Variants in TMEM65 observed in about 807,000 individuals in gnomAD.
TMEM65 encodes transmembrane protein 65.
In TMEM65, 22 loss-of-function variants were observed where a neutral mutation model predicts 25.4. The observed-to-expected ratio is 0.86, with a 90% CI of 0.62 to 1.23. The LOEUF is 1.23. TMEM65 is among the 50% of genes most tolerant of loss of function. TMEM65 has a pLI of 0.00. For synonymous variants in TMEM65, 132 were observed against 126.2 expected (o/e 1.05, Z -0.31); for missense variants, 262 against 308.2 (o/e 0.85, Z 1.12).
intron 2 of TMEM65, among the ~76,000 whole-genome samples, chr8:124,329,377 C>T (rs1402874303): frequency 6.6e-6 from 1 of 151,810 alleles, no homozygotes; most frequent in Non-Finnish European, 1.5e-5. Context: ...GAAGAGAAAG[C>T]TACTTAAGTA....
chr8:124,308,171 G>A lies in TMEM65; in HGVS notation c.*5789C>T, dbSNP rs1040374634. Reference sequence around the variant, plus strand: ...GTCAGGAAGTACCTTGCCAGTAAAGGACTGCCTTTTAAAGTTGTTTTGATA... The same window carrying A: ...GTCAGGAAGTACCTTGCCAGTAAAGAACTGCCTTTTAAAGTTGTTTTGATA... On this transcript the variant is annotated 3_prime_UTR_variant, in exon 7 of 7. Transcript: ENST00000297632. 22 of 152,186 alleles carry A rather than the reference G, an allele frequency of 1.4e-4. 1 individual carries two copies. The highest frequency in any genetic ancestry group is 5.1e-4 in the African/African-American group (21 of 41,430). 9.4% of individuals were successfully genotyped at this position (152,186 alleles called of 1,614,324 possible).
intron 2 of TMEM65, among the ~76,000 whole-genome samples, chr8:124,330,483 C>T (rs914136993): frequency 4.6e-5 from 7 of 151,940 alleles, no homozygotes; most frequent in African/African-American, 1.7e-4. Flanking sequence ...ATTAAGAAAA[C>T]TTCTATCATA....
intron 1 of TMEM65, among the ~76,000 whole-genome samples, chr8:124,358,199 A>G (rs548164558): frequency 6.6e-6 from 1 of 152,376 alleles, no homozygotes; most frequent in Non-Finnish European, 1.5e-5. Flanking sequence ...TCGCATCAGT[A>G]TATTAATCTA....
chr8:124,347,874 A>C (rs1158292866), intron 1 of TMEM65, among the ~76,000 whole-genome samples: 1 of 148,298 alleles, frequency 6.7e-6, no homozygotes, highest in Non-Finnish European at 1.5e-5. Flanking sequence ...TAAATACTAG[A>C]GGTACAATAA....
intron 3 of TMEM65, among the ~76,000 whole-genome samples, chr8:124,325,801 C>T (rs1241686652): frequency 6.6e-6 from 1 of 152,002 alleles, no homozygotes; most frequent in Admixed American, 6.6e-5. Flanking sequence ...TGATCCCCAT[C>T]AATCTGGACA....
rs992241632 is a variant in TMEM65, at chr8:124,311,346, G to C, written c.*2614C>G. ...AACAGAATATACCAAGGCCCTCTGA[G>C]ATTAGTAAGAAATCAAATTTCAAAA... On this transcript the variant is annotated 3_prime_UTR_variant, in exon 7 of 7. Transcript: ENST00000297632. 2 of 152,548 alleles carry C rather than the reference G, an allele frequency of 1.3e-5. No individual in the cohort carries two copies. The highest frequency in any genetic ancestry group is 2.9e-5 in the Non-Finnish European group (2 of 68,014). The allele number at this position is 152,548 out of a possible 1,614,324, so 9.4% of individuals were successfully genotyped here.
chr8:124,330,291 T>C (rs1332452017), intron 2 of TMEM65, among the ~76,000 whole-genome samples: 2 of 151,944 alleles, frequency 1.3e-5, no homozygotes, highest in Non-Finnish European at 2.9e-5. Context: ...AGCAGCATTG[T>C]AATAAGGTCC....
intron 5 of TMEM65, among the ~76,000 whole-genome samples, chr8:124,320,673 C>G (rs1240173247): frequency 2.6e-5 from 4 of 152,124 alleles, no homozygotes; most frequent in Non-Finnish European, 5.9e-5. Flanking sequence ...CACCTTAGAA[C>G]TGTCAGGCCA....
At chr8:124,369,466 T>G (rs966414877) in intron 1 of TMEM65, among the ~76,000 whole-genome samples, 3 of 152,212 alleles carry the variant, frequency 2.0e-5, no homozygotes, top group African/African-American at 7.2e-5. Flanking sequence ...CTTCATTAGT[T>G]TATACAAGCA....
At chr8:124,318,366 TTTG>T (rs780881261) in intron 6 of TMEM65, among the ~76,000 whole-genome samples, 1,497 of 94,452 alleles carry the variant, frequency 0.016, 107 homozygotes, top group East Asian at 0.05. Context: ...TTTGCATGTT[TTTG>T]TTTTTTTTTT....
intron 6 of TMEM65, among the ~76,000 whole-genome samples, chr8:124,319,528 C>CT (rs953451468): frequency 3.3e-4 from 50 of 151,898 alleles, no homozygotes; most frequent in African/African-American, 1.0e-3. Flanking sequence ...TAAATATACC[C>CT]TTTTTTTATC....
chr8:124,338,826 C>T (rs1054021178), intron 1 of TMEM65, among the ~76,000 whole-genome samples: 2 of 151,974 alleles, frequency 1.3e-5, no homozygotes, highest in Non-Finnish European at 2.9e-5. Context: ...TTAAATTTGG[C>T]CTAAAGCTGC....
intron 1 of TMEM65, among the ~76,000 whole-genome samples, chr8:124,368,633 T>C (rs1439678783): frequency 1.3e-5 from 2 of 152,220 alleles, no homozygotes; most frequent in African/African-American, 2.4e-5. Context: ...TGCCATGTCA[T>C]GAGAATACTC....
At chr8:124,335,386 T>C (rs1312912123) in intron 1 of TMEM65, among the ~76,000 whole-genome samples, 2 of 152,130 alleles carry the variant, frequency 1.3e-5, no homozygotes, top group Non-Finnish European at 2.9e-5. Flanking sequence ...AAATAGCAGT[T>C]GAAAAGTAAA....
chr8:124,337,821 A>C (rs1418942033), intron 1 of TMEM65, among the ~76,000 whole-genome samples: 3 of 152,186 alleles, frequency 2.0e-5, no homozygotes, highest in Middle Eastern at 3.4e-3. Flanking sequence ...GTTTGACTGC[A>C]AATATTTTAC....
rs1317721490 is a variant in TMEM65 at position 124,306,886 on chromosome 8, T to C, written c.*7074A>G. 1 of 151,858 alleles carries C rather than the reference T, an allele frequency of 6.6e-6. No homozygotes were observed. The highest frequency in any genetic ancestry group is 1.5e-5 in the Non-Finnish European group (1 of 67,998). The allele number at this position is 151,858 out of a possible 1,614,324, so 9.4% of individuals were successfully genotyped here. On this transcript the variant is annotated 3_prime_UTR_variant, in exon 7 of 7. Transcript: ENST00000297632. ...ATCACTTGAACCCAGAAGACAGAGG[T>C]TGCAGTGAGCCGGCATGGTGCCACT... is the stretch of plus-strand genomic sequence containing the variant.
At chr8:124,336,680 C>T (rs1158088755) in intron 1 of TMEM65, among the ~76,000 whole-genome samples, 1 of 151,628 alleles carries the variant, frequency 6.6e-6, no homozygotes, top group Non-Finnish European at 1.5e-5. Context: ...TAAATGAATG[C>T]TTAGGGGGAA....
Position 124,312,110 on chromosome 8 carries a change from C to T in TMEM65, c.*1850G>A, listed in dbSNP as rs903775828. ...TTAGGGACAAAAGAAAGCACTTACA[C>T]TTTACCCCACCCTTCCCCCCCCAAA... On this transcript the variant is annotated 3_prime_UTR_variant, in exon 7 of 7. Coordinates refer to ENST00000297632, the MANE Select transcript of TMEM65 (RefSeq NM_194291.3). The T allele has an allele frequency of 2.0e-5, 3 of 152,352 alleles. No homozygotes were observed. The highest frequency in any genetic ancestry group is 4.4e-5 in the Non-Finnish European group (3 of 67,922). 9.4% of individuals were successfully genotyped at this position (152,352 alleles called of 1,614,324 possible).
chr8:124,352,428 T>G (rs1814722555), intron 1 of TMEM65, among the ~76,000 whole-genome samples: 1 of 151,368 alleles, frequency 6.6e-6, no homozygotes, highest in African/African-American at 2.4e-5. Flanking sequence ...AAGATTCTCT[T>G]TCTTAGAAGT....
Sources: gnomAD v4.1 joint callset for allele counts (sites outside exome capture counted in the v4.1 genomes callset) on GRCh38, gnomAD v4.1.1 for gene constraint, MANE v1.5 for transcripts, NCBI Gene and HGNC (gene_info 2026-07-23, HGNC 2026-07-21) for gene names.